The following VSX2 variants were observed in gnomAD, a reference collection of about 807,000 sequenced individuals.
VSX2 encodes the protein visual system homeobox 2.
VSX2 carries 28 observed loss-of-function variants against 32.1 expected under a neutral mutation model. That is an observed-to-expected ratio of 0.87 (90% CI 0.65 to 1.20). VSX2 has a LOEUF of 1.20. Ranked by LOEUF, VSX2 falls within the 50% of genes most tolerant of loss-of-function variation. The probability of loss-of-function intolerance (pLI) is 0.00; values close to 1 mark genes in which losing one functional copy is unlikely to be tolerated. For synonymous variants in VSX2, 243 were observed against 214.1 expected, an observed-to-expected ratio of 1.14 and a Z score of -1.18; for missense variants, 506 against 488.7, an observed-to-expected ratio of 1.04 and a Z score of -0.33.
intron 2 of VSX2, 58 bp downstream of exon 2, chr14:74,241,324 T>C (rs2079148745): frequency 1.3e-6 from 2 of 1,567,192 alleles, no homozygotes; most frequent in African/African-American, 2.7e-5. Context: ...CCGTCCCCCG[T>C]TCCGGGATCG....
At chr14:74,255,724 A>T (rs955618408) in intron 3 of VSX2, among the ~76,000 whole-genome samples, 1 of 152,172 alleles carries the variant, frequency 6.6e-6, no homozygotes, top group Non-Finnish European at 1.5e-5. Flanking sequence ...AAGCCAGGGC[A>T]GTGCACCTTG....
At chr14:74,247,241 C>A (rs910378344) in intron 3 of VSX2, among the ~76,000 whole-genome samples, 1 of 152,156 alleles carries the variant, frequency 6.6e-6, no homozygotes, top group African/African-American at 2.4e-5. Context: ...TCACAGCGAT[C>A]GTTTCCAGAG....
chr14:74,260,510 G>T, intron 4 of VSX2, 84 bp from the exon 5 acceptor site: 2 of 1,336,670 alleles, frequency 1.5e-6, no homozygotes, highest in Non-Finnish European at 2.1e-6. Flanking sequence ...CTTAATTCTG[G>T]CCTCTCTCTA....
At chr14:74,241,160 T>A in intron 1 of VSX2, 22 bp from the exon 2 acceptor site, 1 of 1,611,908 alleles carries the variant, frequency 6.2e-7, no homozygotes, top group Non-Finnish European at 8.5e-7. Context: ...CTCTGCCGCA[T>A]GTCCCTACGC....
chr14:74,249,482 C>T (rs1182563687), intron 3 of VSX2, among the ~76,000 whole-genome samples: 1 of 152,152 alleles, frequency 6.6e-6, no homozygotes, highest in Non-Finnish European at 1.5e-5. Context: ...GTTGGCCAGG[C>T]TGGTCTCGAA....
In VSX2 at chr14:74,239,923, C is replaced by T; in HGVS notation, c.362C>T (p.Ala121Val). The change falls in exon 1 of 5, where the codon GCC becomes GTC. Residue 121 changes from alanine to valine, a missense_variant. Coordinates refer to ENST00000261980, the MANE Select transcript of VSX2 (RefSeq NM_182894.3). ...ASGPLDTSQT[A>V]SSDSEDVSSS... is the part of the protein sequence containing the mutation. ...GGGCCGCTGGACACCAGCCAGACGG[C>T]CAGCTCGGGTAGGTGAGGAGAGGTT... The T allele has an allele frequency of 6.4e-7, 1 of 1,565,938 alleles. No homozygotes were observed. Among genetic ancestry groups the T allele is most frequent in the African/African-American group, 1.3e-5 (1 of 74,082 alleles).
chr14:74,254,923 G>A (rs527525106), intron 3 of VSX2, among the ~76,000 whole-genome samples: 116 of 151,880 alleles, frequency 7.6e-4, no homozygotes, highest in African/African-American at 2.7e-3. Flanking sequence ...GGGACTACAG[G>A]CGCCCCCCAC....
Position 74,239,610 on chromosome 14 carries a change from G to A in VSX2, c.49G>A (p.Val17Met). ...EALSKPKSETVAKSTSGGAPA... is the reference protein window; with the variant it reads ...EALSKPKSETMAKSTSGGAPA... The stretch of plus-strand genomic sequence containing the variant: ...GCTGAGCAAGCCCAAATCCGAGACA[G>A]TGGCCAAGAGTACCTCGGGGGGCGC... Residue 17 changes from valine (V) to methionine (M), a missense_variant, in exon 1 of 5, where the codon GTG (valine) becomes ATG (methionine). Transcript: ENST00000261980. The A allele has an allele frequency of 6.4e-7, 1 of 1,551,408 alleles. No individual in the cohort carries two copies. Among genetic ancestry groups the A allele is most frequent in the South Asian group, 1.2e-5 (1 of 84,064 alleles).
At chr14:74,257,864 A>C (rs1461789046) in intron 3 of VSX2, among the ~76,000 whole-genome samples, 2 of 152,154 alleles carry the variant, frequency 1.3e-5, no homozygotes, top group Non-Finnish European at 2.9e-5. Flanking sequence ...TAAAAAGATA[A>C]ATTACCCAGG....
intron 3 of VSX2, among the ~76,000 whole-genome samples, chr14:74,258,660 G>C (rs1487062215): frequency 6.6e-6 from 1 of 152,124 alleles, no homozygotes; most frequent in Non-Finnish European, 1.5e-5. Context: ...TGTCAGCTGC[G>C]GGAAATCTCC....
At chr14:74,257,432 C>T (rs561214559) in intron 3 of VSX2, among the ~76,000 whole-genome samples, 1 of 152,268 alleles carries the variant, frequency 6.6e-6, no homozygotes, top group Non-Finnish European at 1.5e-5. Context: ...GATGGAGCCA[C>T]CCGGGGCGGG....
At chr14:74,250,118 T>C (rs1004142968) in intron 3 of VSX2, among the ~76,000 whole-genome samples, 1 of 152,116 alleles carries the variant, frequency 6.6e-6, no homozygotes, top group African/African-American at 2.4e-5. Context: ...CACATGCTGG[T>C]CCCAGCTACT....
chr14:74,260,611 C>A lies in VSX2; in HGVS notation c.778C>A (p.Leu260Met). The A allele has an allele frequency of 6.2e-7, 1 of 1,604,012 alleles. No individual in the cohort carries two copies. Among genetic ancestry groups the A allele is most frequent in the South Asian group, 1.1e-5 (1 of 88,806 alleles). Residue 260 changes from leucine (L) to methionine (M), a missense_variant, in exon 5 of 5, where the codon CTG becomes ATG. Physicochemically the swap from Leu to Met is conservative, Grantham distance 15. Transcript: ENST00000261980. ...CTTTCTAGGGATGCACAAAAAGTCGCTGGAGGCAGCAGCCGAGTCGGGGAG... is the reference window on the plus strand; with the variant it reads ...CTTTCTAGGGATGCACAAAAAGTCGATGGAGGCAGCAGCCGAGTCGGGGAG... ...PWLLGMHKKSLEAAAESGRKP... is the reference protein window; with the variant it reads ...PWLLGMHKKSMEAAAESGRKP...
chr14:74,245,166 A>G lies in VSX2; in HGVS notation c.457A>G (p.Thr153Ala), dbSNP rs1414795247. The G allele has an allele frequency of 3.1e-6, 5 of 1,613,234 alleles. No individual in the cohort carries two copies. In the African/African-American group the frequency reaches 5.4e-5, roughly 17 times the overall value. ...TKKRKKRRHRTIFTSYQLEEL... is the reference protein window; with the variant it reads ...TKKRKKRRHRAIFTSYQLEEL... Reference sequence around the variant, plus strand: ...AGTGTTCGGTCTTGCTCCCCTCAGGACAATCTTTACCTCCTACCAGCTAGA... The same window carrying G: ...AGTGTTCGGTCTTGCTCCCCTCAGGGCAATCTTTACCTCCTACCAGCTAGA... The change falls in exon 3 of 5, where the codon ACA becomes GCA. Residue 153 changes from threonine (T) to alanine (A), a missense_variant and splice_region_variant. Physicochemically the swap from Thr to Ala is moderately conservative, Grantham distance 58. Coordinates refer to ENST00000261980, the MANE Select transcript of VSX2 (RefSeq NM_182894.3).
intron 3 of VSX2, among the ~76,000 whole-genome samples, chr14:74,255,755 G>C (rs1433839261): frequency 6.6e-6 from 1 of 151,420 alleles, no homozygotes; most frequent in Non-Finnish European, 1.5e-5. Flanking sequence ...ACACTGGGTG[G>C]GTGGGGGCAT....
intron 3 of VSX2, among the ~76,000 whole-genome samples, chr14:74,253,048 CAAAA>C (rs34396021): frequency 1.0e-5 from 1 of 95,444 alleles, no homozygotes. Flanking sequence ...GACTCCATCT[CAAAA>C]AAAAAAAAAA....
chr14:74,239,564 GA>G lies in VSX2; in HGVS notation c.4del (p.Thr2ArgfsTer8). The G allele has an allele frequency of 1.3e-6, 2 of 1,551,236 alleles. No individual in the cohort carries two copies. Among genetic ancestry groups the G allele is most frequent in the Admixed American group, 2.0e-5 (1 of 51,008 alleles). On this transcript the variant is annotated frameshift_variant, in exon 1 of 5. Transcript: ENST00000261980. LOFTEE classifies it high-confidence loss of function. Reference protein sequence around the residue: MTGKAGEALSKP... With the variant: MXGKAGEALSKP... ...CAGCCCCTCCAAAGAACAGGGAGAT[GA>G]CGGGGAAAGCAGGGGAAGCGCTGAG...
At chr14:74,253,544 A>G (rs1016409597) in intron 3 of VSX2, among the ~76,000 whole-genome samples, 16 of 152,250 alleles carry the variant, frequency 1.1e-4, no homozygotes, top group African/African-American at 3.9e-4. Flanking sequence ...ACTATGTGGC[A>G]GGCATTTCCC....
chr14:74,239,488 C>A lies in VSX2; in HGVS notation c.-74C>A, dbSNP rs1283854927. The stretch of plus-strand genomic sequence containing the variant: ...GAGGGGGCACCTGGGACCAACTTCG[C>A]GAAGCGGGAAGCCCGGCGGGGGGGT... On this transcript the variant is annotated 5_prime_UTR_variant, in exon 1 of 5. Coordinates refer to ENST00000261980, the MANE Select transcript of VSX2 (RefSeq NM_182894.3). The A allele has an allele frequency of 1.1e-5, 17 of 1,546,216 alleles. No individual in the cohort carries two copies. Among genetic ancestry groups the A allele is most frequent in the Non-Finnish European group, 1.4e-5 (16 of 1,145,242 alleles).
Sources: gnomAD v4.1 joint callset for allele counts (sites outside exome capture counted in the v4.1 genomes callset) on GRCh38, gnomAD v4.1.1 for gene constraint, MANE v1.5 for transcripts, NCBI Gene and HGNC (gene_info 2026-07-23, HGNC 2026-07-21) for gene names.